The following CTNNA2 variants were observed in gnomAD, a reference collection of about 807,000 sequenced individuals.
The protein encoded by CTNNA2 is catenin alpha 2, also known as catenin alpha-2.
A neutral mutation model predicts 101.0 loss-of-function variants in CTNNA2; 42 were observed. That is an observed-to-expected ratio of 0.42 (90% CI 0.32 to 0.54). CTNNA2 has a LOEUF of 0.54. Among genes scored for constraint, CTNNA2 ranks in the 20% least tolerant of loss-of-function variants. The pLI is 0.14. For synonymous variants in CTNNA2, 450 were observed against 456.4 expected, an observed-to-expected ratio of 0.99 and a Z score of 0.18; for missense variants, 871 against 1,223.1, an observed-to-expected ratio of 0.71 and a Z score of 4.29.
At chr2:79,465,592 T>C (rs902593149) in intron 4 of CTNNA2, among the ~76,000 whole-genome samples, 1 of 152,232 alleles carries the variant, frequency 6.6e-6, no homozygotes, top group Non-Finnish European at 1.5e-5. Flanking sequence ...ATTTTCATGA[T>C]ATTGATTCTT....
chr2:79,871,507 G>A (rs929501024), intron 5 of CTNNA2, among the ~76,000 whole-genome samples: 2 of 152,092 alleles, frequency 1.3e-5, no homozygotes, highest in Admixed American at 1.3e-4. Flanking sequence ...TCCAAAGGCA[G>A]GAGGAGAAGG....
intron 7 of CTNNA2, among the ~76,000 whole-genome samples, chr2:79,982,188 GC>G (rs1456887006): frequency 5.0e-4 from 41 of 81,582 alleles, no homozygotes; most frequent in African/African-American, 1.8e-3. Flanking sequence ...ACAGGCATGT[GC>G]CACTATATAT....
chr2:79,447,291 T>C (rs1474232675), intron 4 of CTNNA2, among the ~76,000 whole-genome samples: 1 of 152,014 alleles, frequency 6.6e-6, no homozygotes, highest in Non-Finnish European at 1.5e-5. Context: ...CATCTATAAA[T>C]GCTCACTCAC....
At chr2:80,050,398 G>A (rs571326817) in intron 7 of CTNNA2, among the ~76,000 whole-genome samples, 2 of 152,116 alleles carry the variant, frequency 1.3e-5, no homozygotes, top group African/African-American at 4.8e-5. Context: ...CCAGCTGACC[G>A]GTAAATCACA....
At chr2:80,111,310 G>A (rs1396146964) in intron 7 of CTNNA2, among the ~76,000 whole-genome samples, 1 of 152,128 alleles carries the variant, frequency 6.6e-6, no homozygotes, top group African/African-American at 2.4e-5. Flanking sequence ...AGGCAATATG[G>A]TTCTGTGAGC....
chr2:79,189,244 C>G (rs1673821233), intron 1 of CTNNA2, among the ~76,000 whole-genome samples: 1 of 152,174 alleles, frequency 6.6e-6, no homozygotes, highest in South Asian at 2.1e-4. Context: ...AAAATCTCCT[C>G]TTTCATTTCT....
chr2:80,468,793 A>G (rs1460353597), intron 9 of CTNNA2, among the ~76,000 whole-genome samples: 2 of 152,226 alleles, frequency 1.3e-5, no homozygotes, highest in Non-Finnish European at 2.9e-5. Flanking sequence ...ATGATTATCA[A>G]GTGCCTAACA....
At chr2:80,089,782 C>T (rs1699669939) in intron 7 of CTNNA2, among the ~76,000 whole-genome samples, 1 of 151,922 alleles carries the variant, frequency 6.6e-6, no homozygotes, top group Admixed American at 6.6e-5. Flanking sequence ...CCAAGGGACT[C>T]TTTTCCCAGT....
chr2:79,450,796 C>T (rs561877017), intron 4 of CTNNA2, among the ~76,000 whole-genome samples: 4 of 152,166 alleles, frequency 2.6e-5, no homozygotes, highest in East Asian at 3.9e-4. Context: ...CTACATTAAA[C>T]GTTGAAATGA....
chr2:79,582,693 G>A (rs1216676949), intron 1 of CTNNA2, among the ~76,000 whole-genome samples: 1 of 152,026 alleles, frequency 6.6e-6, no homozygotes, highest in African/African-American at 2.4e-5. Flanking sequence ...TCCACATATT[G>A]CATGTGCCAT....
chr2:79,459,713 A>C (rs1216178227), intron 4 of CTNNA2, among the ~76,000 whole-genome samples: 1 of 152,122 alleles, frequency 6.6e-6, no homozygotes, highest in Non-Finnish European at 1.5e-5. Context: ...AAGAAAATTT[A>C]CTGATTGTTT....
chr2:80,319,943 A>C (rs750233299), intron 7 of CTNNA2, among the ~76,000 whole-genome samples: 2 of 152,200 alleles, frequency 1.3e-5, no homozygotes, highest in Non-Finnish European at 2.9e-5. Flanking sequence ...TTTTTATCCA[A>C]CTATTTTGGG....
In CTNNA2 at chr2:79,343,213, A is replaced by G. The variant is rs539175947; in HGVS notation, c.-318+30417A>G. On this transcript the variant is annotated intron_variant, in intron 3 of 21. Transcript: ENST00000466387. ...AAAATAATATATTTGGATAAATTTA[A>G]TGACATAGGAAATTTATCTCATGTA... Among the ~76,000 whole-genome samples the G allele has an allele frequency of 2.6e-5, 4 of 152,318 alleles. No homozygotes were observed. In the South Asian group the frequency reaches 8.3e-4, roughly 32 times the overall value.
chr2:79,912,856 C>T (rs923944147), intron 7 of CTNNA2, among the ~76,000 whole-genome samples: 2 of 152,132 alleles, frequency 1.3e-5, no homozygotes, highest in Non-Finnish European at 2.9e-5. Context: ...ACACATAAAC[C>T]TTCCTTGGGA....
chr2:79,939,144 C>T (rs111644702), intron 7 of CTNNA2, among the ~76,000 whole-genome samples: 1 of 151,636 alleles, frequency 6.6e-6, no homozygotes, highest in African/African-American at 2.4e-5. Flanking sequence ...GACTCTCAAA[C>T]ACAGAGTTTA....
chr2:80,541,135 C>T (rs1305841582), intron 9 of CTNNA2, among the ~76,000 whole-genome samples: 1 of 151,498 alleles, frequency 6.6e-6, no homozygotes, highest in South Asian at 2.1e-4. Context: ...AAAGACAAGC[C>T]AAAAGAAAAA....
At chr2:80,378,479 A>G (rs1676197258) in intron 7 of CTNNA2, among the ~76,000 whole-genome samples, 2 of 152,038 alleles carry the variant, frequency 1.3e-5, no homozygotes, top group South Asian at 2.1e-4. Context: ...ACATTCATTC[A>G]TATGCACACA....
At chr2:79,560,677 T>C (rs1196679278) in intron 1 of CTNNA2, among the ~76,000 whole-genome samples, 1 of 151,878 alleles carries the variant, frequency 6.6e-6, no homozygotes, top group Non-Finnish European at 1.5e-5. Flanking sequence ...AGCCTCTAAA[T>C]TTCAGAGAAA....
At chr2:80,547,047 C>G (rs949293966) in intron 11 of CTNNA2, among the ~76,000 whole-genome samples, 6 of 152,196 alleles carry the variant, frequency 3.9e-5, no homozygotes, top group African/African-American at 1.4e-4. Context: ...ACCAGGCAGA[C>G]AGGACCTCTG....
Sources: gnomAD v4.1 joint callset for allele counts (sites outside exome capture counted in the v4.1 genomes callset) on GRCh38, gnomAD v4.1.1 for gene constraint, MANE v1.5 for transcripts, NCBI Gene and HGNC (gene_info 2026-07-23, HGNC 2026-07-21) for gene names.